Variants in CNTNAP2 observed in about 807,000 individuals in gnomAD.
The protein encoded by CNTNAP2 is contactin associated protein 2, also known as contactin-associated protein-like 2.
A neutral mutation model predicts 155.2 loss-of-function variants in CNTNAP2; 98 were observed. That is an observed-to-expected ratio of 0.63 (90% CI 0.54 to 0.75). CNTNAP2 has a LOEUF of 0.75. CNTNAP2 is among the 30% of genes least tolerant of loss of function. CNTNAP2 has a pLI of 0.00. For missense variants in CNTNAP2, 1,727 were observed against 1,688.1 expected (o/e 1.02, Z -0.40); for synonymous variants, 651 against 631.2 (o/e 1.03, Z -0.47).
chr7:147,896,285 C>A (rs1236697021), intron 13 of CNTNAP2, among the ~76,000 whole-genome samples: 1 of 152,126 alleles, frequency 6.6e-6, no homozygotes, highest in Non-Finnish European at 1.5e-5. Flanking sequence ...TAGCACACAG[C>A]CTGGATCCCA....
At chr7:146,358,144 C>T (rs1053443309) in intron 1 of CNTNAP2, among the ~76,000 whole-genome samples, 1 of 152,080 alleles carries the variant, frequency 6.6e-6, no homozygotes, top group African/African-American at 2.4e-5. Context: ...ACGCCATTCT[C>T]CTGCCTCAGC....
intron 8 of CNTNAP2, among the ~76,000 whole-genome samples, chr7:147,182,197 T>G (rs1250328916): frequency 6.6e-6 from 1 of 151,842 alleles, no homozygotes; most frequent in African/African-American, 2.4e-5. Flanking sequence ...AGCAAAGTTC[T>G]TTGTCTAAGC....
chr7:146,644,580 C>T (rs541467751), intron 1 of CNTNAP2, among the ~76,000 whole-genome samples: 3 of 152,080 alleles, frequency 2.0e-5, no homozygotes, highest in South Asian at 4.2e-4. Flanking sequence ...AGGATTTTTG[C>T]ATCAATATTC....
chr7:146,159,265 A>G (rs965871129), intron 1 of CNTNAP2, among the ~76,000 whole-genome samples: 2 of 152,114 alleles, frequency 1.3e-5, no homozygotes, highest in South Asian at 2.1e-4. Flanking sequence ...AGGAACAACC[A>G]GTACCAGCCA....
chr7:146,949,879 T>C (rs1314745956), intron 3 of CNTNAP2, among the ~76,000 whole-genome samples: 1 of 152,174 alleles, frequency 6.6e-6, no homozygotes, highest in Non-Finnish European at 1.5e-5. Context: ...GGTTTTGTTT[T>C]CCTTTGTTTT....
chr7:146,712,872 G>A (rs1801122802), intron 1 of CNTNAP2, among the ~76,000 whole-genome samples: 1 of 151,532 alleles, frequency 6.6e-6, no homozygotes, highest in Admixed American at 6.6e-5. Flanking sequence ...TGGTCTGCTT[G>A]GGATTTTTTT....
chr7:148,123,633 C>CAAGA (rs1804646443), intron 16 of CNTNAP2, among the ~76,000 whole-genome samples: 1 of 118,314 alleles, frequency 8.5e-6, no homozygotes. Context: ...GAAGGGAGAG[C>CAAGA]AGGAAGGAAG....
chr7:146,466,842 T>C lies in CNTNAP2; in HGVS notation c.98-307429T>C, dbSNP rs576033861. On this transcript the variant is annotated intron_variant, in intron 1 of 23. Coordinates refer to ENST00000361727, the MANE Select transcript of CNTNAP2 (RefSeq NM_014141.6). ...CAGTCTGATCTAAAATATCCCTACT[T>C]AATACTTTATTGTGCTTGGCATACT... Among the ~76,000 whole-genome samples the C allele has an allele frequency of 1.9e-3, 288 of 152,276 alleles. 1 individual carries two copies. The highest frequency in any genetic ancestry group is 6.1e-3 in the African/African-American group (255 of 41,564).
At chr7:147,631,641 C>A (rs1366792659) in intron 12 of CNTNAP2, among the ~76,000 whole-genome samples, 2 of 152,012 alleles carry the variant, frequency 1.3e-5, no homozygotes, top group Non-Finnish European at 2.9e-5. Flanking sequence ...GCAAGTAGAC[C>A]AATGGAACAA....
At chr7:146,567,313 A>C (rs1798372042) in intron 1 of CNTNAP2, among the ~76,000 whole-genome samples, 1 of 152,176 alleles carries the variant, frequency 6.6e-6, no homozygotes, top group Non-Finnish European at 1.5e-5. Flanking sequence ...TTTTAATCTT[A>C]AAGGATCACA....
intron 15 of CNTNAP2, among the ~76,000 whole-genome samples, chr7:148,048,088 T>TG (rs960661865): frequency 2.1e-5 from 3 of 141,296 alleles, no homozygotes; most frequent in African/African-American, 8.0e-5. Flanking sequence ...CATGCCCAGC[T>TG]AATTTTTTTT....
intron 1 of CNTNAP2, among the ~76,000 whole-genome samples, chr7:146,565,020 T>G (rs922728513): frequency 7.2e-5 from 11 of 152,132 alleles, no homozygotes; most frequent in Non-Finnish European, 1.3e-4. Flanking sequence ...GTGTTTCTCC[T>G]ACTATAATAT....
chr7:146,695,843 G>T (rs1316368984), intron 1 of CNTNAP2, among the ~76,000 whole-genome samples: 1 of 152,054 alleles, frequency 6.6e-6, no homozygotes, highest in South Asian at 2.1e-4. Flanking sequence ...ACCTCACATG[G>T]TTATTTATCA....
At chr7:147,321,809 G>C (rs1234031858) in intron 9 of CNTNAP2, among the ~76,000 whole-genome samples, 1 of 152,122 alleles carries the variant, frequency 6.6e-6, no homozygotes, top group Non-Finnish European at 1.5e-5. Flanking sequence ...TCAAGGCCTG[G>C]TGTCCACCAC....
At chr7:147,805,808 G>A (rs1008125052) in intron 13 of CNTNAP2, among the ~76,000 whole-genome samples, 12 of 152,172 alleles carry the variant, frequency 7.9e-5, no homozygotes, top group African/African-American at 2.7e-4. Context: ...TTTTTAATGT[G>A]TTGTTGCATT....
chr7:146,832,141 A>C (rs1361512770), intron 2 of CNTNAP2, among the ~76,000 whole-genome samples: 1 of 152,158 alleles, frequency 6.6e-6, no homozygotes, highest in African/African-American at 2.4e-5. Flanking sequence ...CCCCACTGCA[A>C]ATAAAATCTG....
intron 13 of CNTNAP2, among the ~76,000 whole-genome samples, chr7:147,791,803 C>A (rs1470907780): frequency 2.0e-5 from 3 of 151,614 alleles, no homozygotes. Flanking sequence ...GAGGTAACTT[C>A]AGGAACATGC....
intron 15 of CNTNAP2, among the ~76,000 whole-genome samples, chr7:148,115,100 G>T (rs17170840): frequency 6.6e-6 from 1 of 152,168 alleles, no homozygotes; most frequent in Non-Finnish European, 1.5e-5. Context: ...TGACTTCCCC[G>T]TGAATGAGTC....
At chr7:146,563,719 A>T (rs1798315487) in intron 1 of CNTNAP2, among the ~76,000 whole-genome samples, 1 of 152,174 alleles carries the variant, frequency 6.6e-6, no homozygotes, top group South Asian at 2.1e-4. Flanking sequence ...ACCAGTTAAA[A>T]GGAATTAGTT....
Sources: allele counts gnomAD v4.1 joint callset (sites outside exome capture counted in the v4.1 genomes callset), GRCh38; gene constraint gnomAD v4.1.1; transcripts MANE v1.5; gene names NCBI Gene and HGNC (gene_info 2026-07-23, HGNC 2026-07-21).